Variants in TIAM2 observed in about 807,000 individuals in gnomAD.
TIAM2 encodes TIAM Rac1 associated GEF 2.
In TIAM2, 80 loss-of-function variants were observed where a neutral mutation model predicts 152.9. The ratio of observed to expected loss-of-function variants is 0.52; its 90% confidence interval spans 0.44 to 0.63. The LOEUF (loss-of-function observed/expected upper bound fraction) is 0.63. Ranked by LOEUF, TIAM2 falls within the 30% of genes least tolerant of loss-of-function variation. The probability of loss-of-function intolerance (pLI) is 0.00; values close to 1 mark genes in which losing one functional copy is unlikely to be tolerated. For missense variants in TIAM2, 1,965 were observed against 2,120.1 expected (o/e 0.93, Z 1.44); for synonymous variants, 804 against 838.0 (o/e 0.96, Z 0.70).
chr6:155,130,497 T>G, intron 4 of TIAM2, 80 bp downstream of exon 4: 1 of 1,344,598 alleles, frequency 7.4e-7, no homozygotes. Flanking sequence ...GAAGCCACCA[T>G]AGAGTGTTGT....
In TIAM2 at chr6:155,118,727, G is replaced by A. The variant is rs115209885; in HGVS notation, c.-117-8763G>A. ...TGCGATTACAGGCGTGAGCCACCGC[G>A]CACGGCCTTCTCTTTCCTTTCTTCA... On this transcript the variant is annotated intron_variant, in intron 2 of 26. Transcript: ENST00000682666. Among the ~76,000 whole-genome samples, 948 of 151,724 alleles carry A rather than the reference G, an allele frequency of 6.2e-3. 10 individuals carry two copies. Among genetic ancestry groups the A allele is most frequent in the African/African-American group, 0.021 (884 of 41,392 alleles).
chr6:155,166,329 TTTTTC>T (rs568698858), intron 9 of TIAM2, among the ~76,000 whole-genome samples: 13,697 of 150,494 alleles, frequency 0.091, 716 homozygotes, highest in Middle Eastern at 0.14. Context: ...CTCTTTTTTT[TTTTTC>T]TTTTTTTGAG....
chr6:155,241,038 AG>A (rs1321041946), intron 16 of TIAM2, among the ~76,000 whole-genome samples: 1 of 152,210 alleles, frequency 6.6e-6, no homozygotes, highest in African/African-American at 2.4e-5. Flanking sequence ...AGATCACTTT[AG>A]GTGATGAGGA....
At chr6:155,083,857 A>G (rs1778122875) in intron 1 of TIAM2, among the ~76,000 whole-genome samples, 2 of 152,216 alleles carry the variant, frequency 1.3e-5, no homozygotes, top group Admixed American at 6.5e-5. Context: ...AACAGATGAC[A>G]TACGAAACCA....
intron 1 of TIAM2, among the ~76,000 whole-genome samples, chr6:155,044,258 G>C (rs966365701): frequency 1.3e-5 from 2 of 152,134 alleles, no homozygotes; most frequent in African/African-American, 4.8e-5. Context: ...GCCAAGACTA[G>C]AAGCCAGGTG....
At position 155,057,103 on chromosome 6, in the gene TIAM2, AC is replaced by A. The variant is rs1777470302; in HGVS notation, c.-208-33185del. Among the ~76,000 whole-genome samples the A allele has an allele frequency of 3.1e-5, 4 of 130,242 alleles. No homozygotes were observed. The South Asian group carries it at 9.3e-4, about 30-fold the overall frequency. The allele number at this position is 130,242 out of a possible 152,430, so 85.4% of individuals were successfully genotyped here. On this transcript the variant is annotated intron_variant, in intron 1 of 26. Coordinates refer to ENST00000682666, the MANE Select transcript of TIAM2 (RefSeq NM_012454.4). Reference sequence around the variant, plus strand: ...GAGTGCAGTGGTGCAATCTCGGTTCACTGCATCCTCTGCCCCCCAGGTTCAA... The same window carrying A: ...GAGTGCAGTGGTGCAATCTCGGTTCATGCATCCTCTGCCCCCCAGGTTCAA...
At chr6:155,203,510 G>C (rs975909188) in intron 14 of TIAM2, among the ~76,000 whole-genome samples, 1 of 152,082 alleles carries the variant, frequency 6.6e-6, no homozygotes, top group Non-Finnish European at 1.5e-5. Flanking sequence ...GTAGATAGTA[G>C]AATGTAAGTA....
intron 14 of TIAM2, among the ~76,000 whole-genome samples, chr6:155,196,526 TTAA>T (rs1467936027): frequency 6.6e-6 from 1 of 152,196 alleles, no homozygotes; most frequent in African/African-American, 2.4e-5. Flanking sequence ...ATTGGGAATC[TTAA>T]TAATCTTACC....
At chr6:155,044,124 C>T (rs1478063234) in intron 1 of TIAM2, among the ~76,000 whole-genome samples, 1 of 152,144 alleles carries the variant, frequency 6.6e-6, no homozygotes, top group Non-Finnish European at 1.5e-5. Context: ...ATGACTCTTC[C>T]TGCCTGCTAG....
rs764768297 is a variant in TIAM2, at chr6:155,130,304, C to T, written c.1081C>T (p.Arg361Trp). 31 of 1,614,030 alleles carry T rather than the reference C, an allele frequency of 1.9e-5. No individual in the cohort carries two copies. The highest frequency in any genetic ancestry group is 5.3e-5 in the African/African-American group (4 of 74,928). The change falls in exon 4 of 27, where the codon CGG (arginine) becomes TGG (tryptophan). Residue 361 changes from arginine to tryptophan, a missense_variant. Around this residue, in one of 3 missense-constraint regions of TIAM2, gnomAD observed 1,025 missense variants for 1,119.4 expected, o/e 0.92. Transcript: ENST00000682666. ...IQYSSFTLPC[R>W]KPKAFVEDTA... ...GTACAGTTCCTTCACTCTCCCCTGTCGGAAGCCCAAAGCCTTTGTTGAGGA... is the reference window on the plus strand; with the variant it reads ...GTACAGTTCCTTCACTCTCCCCTGTTGGAAGCCCAAAGCCTTTGTTGAGGA...
intron 5 of TIAM2, among the ~76,000 whole-genome samples, chr6:155,140,990 C>T (rs375739261): frequency 5.9e-5 from 9 of 152,300 alleles, no homozygotes; most frequent in Non-Finnish European, 1.3e-4. Flanking sequence ...AGCTGATTGG[C>T]AGCTTCCTGT....
In TIAM2 at chr6:155,213,516, G is replaced by A. The variant is rs1781771773; in HGVS notation, c.3168+2209G>A. On this transcript the variant is annotated intron_variant, in intron 15 of 26. Coordinates refer to ENST00000682666, the MANE Select transcript of TIAM2 (RefSeq NM_012454.4). This position sits in a 1 kb window ranked among gnomAD's most constrained non-coding sequence, Gnocchi z 4.2. ...GCTCAGAGGGGTGGAAATGTGCACT[G>A]ATTGGTCCATAGTGGCCATGAGCAG... is the stretch of plus-strand genomic sequence containing the variant. Among the ~76,000 whole-genome samples the A allele has an allele frequency of 6.6e-6, 1 of 152,178 alleles. No homozygotes were observed. The highest frequency in any genetic ancestry group is 2.1e-4 in the South Asian group (1 of 4,832).
intron 14 of TIAM2, among the ~76,000 whole-genome samples, chr6:155,203,390 T>C (rs1267331365): frequency 6.6e-6 from 1 of 152,198 alleles, no homozygotes; most frequent in Non-Finnish European, 1.5e-5. Context: ...GAGTTTTTCA[T>C]TTATGGAATT....
chr6:155,038,559 T>C (rs1405328114), intron 1 of TIAM2, among the ~76,000 whole-genome samples: 1 of 152,198 alleles, frequency 6.6e-6, no homozygotes, highest in East Asian at 1.9e-4. Flanking sequence ...ACTAAGACAA[T>C]GCTGATATCA....
rs114315316 is a variant in TIAM2 at position 155,109,463 on chromosome 6, G to A, written c.-117-18027G>A. Reference sequence around the variant, plus strand: ...TAAAGGTATGGAATAGAAAGAAATAGCAGCAGTATTAAAAACAGTAAAAAG... The same window carrying A: ...TAAAGGTATGGAATAGAAAGAAATAACAGCAGTATTAAAAACAGTAAAAAG... On this transcript the variant is annotated intron_variant, in intron 2 of 26. Transcript: ENST00000682666. Among the ~76,000 whole-genome samples, 294 of 152,310 alleles carry A rather than the reference G, an allele frequency of 1.9e-3. 1 individual carries two copies. The highest frequency in any genetic ancestry group is 6.7e-3 in the African/African-American group (278 of 41,568).
At chr6:155,160,764 A>C (rs553753149) in intron 7 of TIAM2, among the ~76,000 whole-genome samples, 1 of 119,484 alleles carries the variant, frequency 8.4e-6, no homozygotes, top group South Asian at 2.9e-4. Flanking sequence ...CATGTCTCAA[A>C]ACAAAAACAA....
Position 155,244,700 on chromosome 6 carries a change from CAGA to C in TIAM2, c.3463_3465del (p.Lys1155del). ...AAGTTTGCCAGAGATGCTTGAGTTT[CAGA>C]AGGTGTTTCTGGAGACCCTGGAGGA... On this transcript the variant is annotated inframe_deletion, in exon 18 of 27. Coordinates refer to ENST00000682666, the MANE Select transcript of TIAM2 (RefSeq NM_012454.4). 1 of 1,614,100 alleles carries C rather than the reference CAGA, an allele frequency of 6.2e-7. No homozygotes were observed. The highest frequency in any genetic ancestry group is 1.3e-5 in the African/African-American group (1 of 75,038).
In TIAM2 at chr6:155,158,781, T is replaced by TTTC. The variant is rs200325606; in HGVS notation, c.2029-5632_2029-5631insCTT. Among the ~76,000 whole-genome samples, 266 of 151,748 alleles carry TTTC rather than the reference T, an allele frequency of 1.8e-3. 2 individuals are homozygous for TTTC. The highest frequency in any genetic ancestry group is 6.8e-3 in the Middle Eastern group (2 of 294). ...CACGTTGACCAGGCTGCAAGTGTTT[T>TTTC]TTTTTTTCTTTTTATATCATATCTT... On this transcript the variant is annotated intron_variant, in intron 7 of 26. Transcript: ENST00000682666.
intron 2 of TIAM2, among the ~76,000 whole-genome samples, chr6:155,119,775 C>T (rs1468393279): frequency 1.3e-5 from 2 of 152,168 alleles, no homozygotes; most frequent in African/African-American, 2.4e-5. Context: ...CTTTTTTAAT[C>T]GTGACTCAAG....
Sources: allele counts gnomAD v4.1 joint callset (sites outside exome capture counted in the v4.1 genomes callset), GRCh38; gene constraint gnomAD v4.1.1; regional missense constraint gnomAD v4.1.1; non-coding constraint Gnocchi (gnomAD v3.1); transcripts MANE v1.5; gene names NCBI Gene and HGNC (gene_info 2026-07-23, HGNC 2026-07-21).